Variants in YPEL3 observed in about 807,000 individuals in gnomAD.
YPEL3 encodes protein yippee-like 3.
A neutral mutation model predicts 17.5 loss-of-function variants in YPEL3; 5 were observed. The ratio of observed to expected loss-of-function variants is 0.29; its 90% CI spans 0.15 to 0.60. The LOEUF is 0.60. YPEL3 is among the 20% of genes least tolerant of loss of function. The pLI is 0.87. For synonymous variants in YPEL3, 87 were observed against 87.2 expected (o/e 1.00, Z 0.01); for missense variants, 155 against 211.4 (o/e 0.73, Z 1.65).
intron 3 of YPEL3, chr16:30,093,641 T>TCTC (rs1319738743): frequency 6.6e-6 from 1 of 151,738 alleles, no homozygotes; most frequent in African/African-American, 2.4e-5. Context: ...TCTCGCTCTG[T>TCTC]CTCCGCTCAC....
rs200422882 is a variant in YPEL3, at chr16:30,095,511, C to G, written c.-29G>C. ...AGGCACTCCCAGAGCCGTGGGGACT[C>G]GCTCTGTCACACTGGGCTGCTCTCT... is the stretch of plus-strand genomic sequence containing the variant. On this transcript the variant is annotated 5_prime_UTR_variant, in exon 1 of 4. Transcript: ENST00000398841. This position sits in a 1 kb window ranked among gnomAD's most constrained non-coding sequence, Gnocchi z 5.4. The G allele has an allele frequency of 3.3e-4, 481 of 1,455,292 alleles. No homozygotes were observed. Among genetic ancestry groups the G allele is most frequent in the Non-Finnish European group, 4.1e-4 (449 of 1,098,110 alleles). The allele number at this position is 1,455,292 out of a possible 1,614,324, so 90.1% of individuals were successfully genotyped here. A position where few individuals can be genotyped will look rare whatever the true frequency, so the allele number is the denominator to read the frequency against.
intron 3 of YPEL3, chr16:30,094,326 G>C (rs2151035752): frequency 5.5e-6 from 1 of 180,856 alleles, no homozygotes; most frequent in East Asian, 1.6e-4. Flanking sequence ...CAAGGGTTTG[G>C]AGTGAAAAAA....
intron 3 of YPEL3, among the ~76,000 whole-genome samples, chr16:30,093,539 G>A (rs1032859673): frequency 4.6e-5 from 7 of 152,050 alleles, no homozygotes; most frequent in Non-Finnish European, 7.4e-5. Flanking sequence ...TGGGATTACA[G>A]GCGTGAGCCA....
chr16:30,092,778 G>T lies in YPEL3; in HGVS notation c.406C>A (p.Gln136Lys). ...ATGTACTTCCCCTCTTTGTACTTCT[G>T]GCTGCTCTCAAAGGCCTGTTCCTGA... ...WKYEQAFESS[Q>K]KYKEGKYIIE... The change falls in exon 4 of 4, where the codon CAG becomes AAG. Residue 136 changes from glutamine (Q) to lysine (K), a missense_variant. Around this residue, in one of 3 missense-constraint regions of YPEL3, gnomAD observed 74 missense variants for 134.9 expected, o/e 0.55. Coordinates refer to ENST00000398841, the MANE Select transcript of YPEL3 (RefSeq NM_031477.5). 6.2e-7 allele frequency: 1 copy of T among 1,614,114 alleles called. No homozygotes were observed.
In YPEL3 at chr16:30,095,192, G is replaced by A. The variant is rs374087469; in HGVS notation, c.232-46C>T. On this transcript the variant is annotated intron_variant, in intron 1 of 3. Transcript: ENST00000398841. This position sits in a 1 kb window ranked among gnomAD's most constrained non-coding sequence, Gnocchi z 5.4. ...AAGAGAGGAGGGGGTCAGGGCTGCC[G>A]GTGGGGAGCTGCCAGGCAGCCCCTA... 10 of 1,613,884 alleles carry A rather than the reference G, an allele frequency of 6.2e-6. No individual in the cohort carries two copies. Among genetic ancestry groups the A allele is most frequent in the East Asian group, 4.5e-5 (2 of 44,882 alleles).
rs139287306 is a variant in YPEL3, at chr16:30,092,551, C to G, written c.*159G>C. On this transcript the variant is annotated 3_prime_UTR_variant, in exon 4 of 4. Transcript: ENST00000398841. ...GCGTCGTCCCCCTTCTGTTCTCCCC[C>G]CAAGGTCACAGTGCATGCAATAAAA... 3 of 626,488 alleles carry G rather than the reference C, an allele frequency of 4.8e-6. No homozygotes were observed. Among genetic ancestry groups the G allele is most frequent in the Admixed American group, 2.9e-5 (1 of 33,956 alleles). 38.8% of individuals were successfully genotyped at this position (626,488 alleles called of 1,614,324 possible).
In YPEL3 at chr16:30,095,692, C is replaced by A; in HGVS notation, c.-210G>T. 1 of 516,152 alleles carries A rather than the reference C, an allele frequency of 1.9e-6. No homozygotes were observed. The highest frequency in any genetic ancestry group is 3.4e-6 in the Non-Finnish European group (1 of 293,326). 32.0% of individuals were successfully genotyped at this position (516,152 alleles called of 1,614,324 possible). A position where few individuals can be genotyped will look rare whatever the true frequency, so the allele number is the denominator to read the frequency against. ...TCCGGCCTCACCCTTGCTGACCTGG[C>A]AGCTGAAGCTGGAGGAAGGGGCTTT... On this transcript the variant is annotated 5_prime_UTR_variant, in exon 1 of 4. Transcript: ENST00000398841. This position sits in a 1 kb window ranked among gnomAD's most constrained non-coding sequence, Gnocchi z 5.4.
chr16:30,094,693 A>G lies in YPEL3; in HGVS notation c.384+96T>C, dbSNP rs575075340. On this transcript the variant is annotated intron_variant, in intron 3 of 3. Transcript: ENST00000398841. The stretch of plus-strand genomic sequence containing the variant: ...ATGCTGACTTGTGTGAGCTCGGCCT[A>G]TGCAATCTGAAAGGCTATAGGGTGA... 136 of 1,154,164 alleles carry G rather than the reference A, an allele frequency of 1.2e-4. No individual in the cohort carries two copies. In the African/African-American group the frequency reaches 1.8e-3, roughly 15 times the overall value. 71.5% of individuals were successfully genotyped at this position (1,154,164 alleles called of 1,614,324 possible).
chr16:30,093,325 C>T (rs2151035366), intron 3 of YPEL3, among the ~76,000 whole-genome samples: 1 of 152,244 alleles, frequency 6.6e-6, no homozygotes, highest in South Asian at 2.1e-4. Flanking sequence ...TGCAACGGCG[C>T]GATATCGGCT....
chr16:30,094,495 T>C, intron 3 of YPEL3: 1 of 420,386 alleles, frequency 2.4e-6, no homozygotes, highest in Non-Finnish European at 4.4e-6. Context: ...TTGAATGAGA[T>C]AATAGACGCC....
At position 30,092,645 on chromosome 16, in the gene YPEL3, G is replaced by C. The variant is rs2072744450; in HGVS notation, c.*65C>G. 1 of 1,517,106 alleles carries C rather than the reference G, an allele frequency of 6.6e-7. No individual in the cohort carries two copies. 94.0% of individuals were successfully genotyped at this position (1,517,106 alleles called of 1,614,324 possible). ...GGTCCAGAGCTCCCTTCGGGTGGCGGGAAGCCAGTGGCGCTCCCTGGCGGC... is the reference window on the plus strand; with the variant it reads ...GGTCCAGAGCTCCCTTCGGGTGGCGCGAAGCCAGTGGCGCTCCCTGGCGGC... On this transcript the variant is annotated 3_prime_UTR_variant, in exon 4 of 4. Coordinates refer to ENST00000398841, the MANE Select transcript of YPEL3 (RefSeq NM_031477.5).
chr16:30,094,502 C>A (rs1039297795), intron 3 of YPEL3: 4 of 434,344 alleles, frequency 9.2e-6, no homozygotes, highest in African/African-American at 8.1e-5. Context: ...AGATAATAGA[C>A]GCCAGGCACA....
chr16:30,093,522 A>T (rs151235673), intron 3 of YPEL3, among the ~76,000 whole-genome samples: 2 of 151,896 alleles, frequency 1.3e-5, no homozygotes, highest in African/African-American at 4.8e-5. Flanking sequence ...CAGACTCCCA[A>T]AAGTGCTGGG....
chr16:30,094,885 G>T lies in YPEL3; in HGVS notation c.288C>A (p.Gly96=). Residue 96 remains glycine, a synonymous_variant, in exon 3 of 4, where the codon GGC becomes GGA. Transcript: ENST00000398841. ...AYLFNSVVNV[G]CGPAEERVLL... ...GCACCCGCTCCTCGGCTGGCCCGCA[G>T]CCCACGTTCACCCTGTGGGGACATG... The T allele has an allele frequency of 6.2e-7, 1 of 1,612,886 alleles. No individual in the cohort carries two copies. Among genetic ancestry groups the T allele is most frequent in the Non-Finnish European group, 8.5e-7 (1 of 1,179,428 alleles).
chr16:30,093,689 G>C (rs954580474), intron 3 of YPEL3: 1 of 149,106 alleles, frequency 6.7e-6, no homozygotes, highest in Non-Finnish European at 1.5e-5. Flanking sequence ...CAATTCTCCT[G>C]CCTCAACCTC....
rs1214362846 is a variant in YPEL3, at chr16:30,095,187, C to T, written c.232-41G>A. On this transcript the variant is annotated intron_variant, in intron 1 of 3. Coordinates refer to ENST00000398841, the MANE Select transcript of YPEL3 (RefSeq NM_031477.5). This position sits in a 1 kb window ranked among gnomAD's most constrained non-coding sequence, Gnocchi z 5.4. The stretch of plus-strand genomic sequence containing the variant: ...GTGGGAAGAGAGGAGGGGGTCAGGG[C>T]TGCCGGTGGGGAGCTGCCAGGCAGC... 6.2e-7 allele frequency: 1 copy of T among 1,614,104 alleles called. No homozygotes were observed. Among genetic ancestry groups the T allele is most frequent in the Admixed American group, 1.7e-5 (1 of 60,024 alleles).
At chr16:30,094,302 T>C (rs750969751) in intron 3 of YPEL3, 3 of 172,414 alleles carry the variant, frequency 1.7e-5, no homozygotes, top group Non-Finnish European at 3.8e-5. Context: ...TAAATGACAA[T>C]ATAAGCTGGT....
Position 30,092,680 on chromosome 16 carries a change from C to A in YPEL3, c.*30G>T. On this transcript the variant is annotated 3_prime_UTR_variant, in exon 4 of 4. Transcript: ENST00000398841. ...GGCGCTCCCTGGCGGCCAGGCCGGG[C>A]TGGAGCCACATGCGTCGGGGGAGCG... 6.2e-7 allele frequency: 1 copy of A among 1,611,892 alleles called. No individual in the cohort carries two copies. Among genetic ancestry groups the A allele is most frequent in the Non-Finnish European group, 8.5e-7 (1 of 1,178,524 alleles).
intron 3 of YPEL3, chr16:30,094,508 GCA>G (rs1752585253): frequency 2.2e-6 from 1 of 453,990 alleles, no homozygotes; most frequent in Non-Finnish European, 4.1e-6. Context: ...TAGACGCCAG[GCA>G]CACAACAGTG....
Sources: allele counts gnomAD v4.1 joint callset (sites outside exome capture counted in the v4.1 genomes callset), GRCh38; gene constraint gnomAD v4.1.1; regional missense constraint gnomAD v4.1.1; non-coding constraint Gnocchi (gnomAD v3.1); transcripts MANE v1.5; gene names NCBI Gene and HGNC (gene_info 2026-07-23, HGNC 2026-07-21).